The following GSK3B variants were observed in gnomAD, a reference collection of about 807,000 sequenced individuals.
GSK3B encodes glycogen synthase kinase-3 beta.
In GSK3B, 15 loss-of-function variants were observed where a neutral mutation model predicts 56.4. The observed-to-expected ratio is 0.27, with a 90% CI of 0.18 to 0.41. The LOEUF (loss-of-function observed/expected upper bound fraction) is 0.41. GSK3B is among the 10% of genes least tolerant of loss of function. The probability of loss-of-function intolerance (pLI) is 1.00; values close to 1 mark genes in which losing one functional copy is unlikely to be tolerated. For missense variants in GSK3B, 300 were observed against 513.4 expected, an observed-to-expected ratio of 0.58 and a Z score of 4.02; for synonymous variants, 181 against 188.9, an observed-to-expected ratio of 0.96 and a Z score of 0.34.
At chr3:120,085,787 C>A (rs1420289035) in intron 1 of GSK3B, among the ~76,000 whole-genome samples, 4 of 151,100 alleles carry the variant, frequency 2.6e-5, no homozygotes, top group African/African-American at 9.8e-5. Context: ...GCCTGGGCGA[C>A]ACAGTGACAT....
chr3:120,081,367 T>G (rs911031357), intron 1 of GSK3B, among the ~76,000 whole-genome samples: 1 of 151,770 alleles, frequency 6.6e-6, no homozygotes, highest in African/African-American at 2.4e-5. Context: ...GTCAACATGG[T>G]GAAACCCTGT....
chr3:119,951,860 C>T (rs1048405814), intron 2 of GSK3B, among the ~76,000 whole-genome samples: 1 of 150,382 alleles, frequency 6.6e-6, no homozygotes, highest in Middle Eastern at 3.2e-3. Context: ...TAAAGAAATG[C>T]TAACTTTTAA....
intron 1 of GSK3B, among the ~76,000 whole-genome samples, chr3:120,023,296 C>G (rs1352883712): frequency 2.6e-5 from 4 of 151,258 alleles, no homozygotes; most frequent in Admixed American, 1.3e-4. Flanking sequence ...TGAAGACTTT[C>G]CTGAGCTGGG....
intron 1 of GSK3B, among the ~76,000 whole-genome samples, chr3:120,050,055 T>C (rs1424751053): frequency 1.3e-5 from 2 of 152,192 alleles, no homozygotes; most frequent in Non-Finnish European, 2.9e-5. Flanking sequence ...ACTTTCATGC[T>C]ACATCACAAA....
intron 10 of GSK3B, among the ~76,000 whole-genome samples, chr3:119,827,520 A>G (rs981963711): frequency 1.4e-5 from 2 of 144,504 alleles, no homozygotes; most frequent in African/African-American, 5.0e-5. Context: ...GGACTGCTTG[A>G]GCCAGAGAGG....
At chr3:120,067,627 C>T (rs902733860) in intron 1 of GSK3B, among the ~76,000 whole-genome samples, 2 of 152,170 alleles carry the variant, frequency 1.3e-5, no homozygotes, top group Admixed American at 6.6e-5. Context: ...AATTCGGGAT[C>T]ACCTGTATTC....
At chr3:120,024,940 C>A (rs999994856) in intron 1 of GSK3B, among the ~76,000 whole-genome samples, 5 of 152,116 alleles carry the variant, frequency 3.3e-5, no homozygotes, top group Admixed American at 3.3e-4. Flanking sequence ...TTGTATGATC[C>A]TGTTCACATG....
At chr3:120,050,872 T>G (rs372556088) in intron 1 of GSK3B, among the ~76,000 whole-genome samples, 14 of 152,182 alleles carry the variant, frequency 9.2e-5, no homozygotes, top group African/African-American at 3.4e-4. Context: ...AGAAGGAAGG[T>G]AGGCAGAGTA....
intron 2 of GSK3B, among the ~76,000 whole-genome samples, chr3:119,978,208 G>C (rs1483577591): frequency 6.6e-6 from 1 of 151,800 alleles, no homozygotes; most frequent in Non-Finnish European, 1.5e-5. Flanking sequence ...ACTCCTCCCA[G>C]ATCAGAGACA....
At chr3:120,082,224 G>T (rs2058425543) in intron 1 of GSK3B, among the ~76,000 whole-genome samples, 1 of 151,842 alleles carries the variant, frequency 6.6e-6, no homozygotes, top group Non-Finnish European at 1.5e-5. Flanking sequence ...ATAAATCAAT[G>T]AAGTGTTTTT....
At chr3:119,996,941 A>G (rs1321136955) in intron 2 of GSK3B, among the ~76,000 whole-genome samples, 3 of 152,158 alleles carry the variant, frequency 2.0e-5, no homozygotes, top group African/African-American at 7.2e-5. Context: ...AGCAAACAGG[A>G]TTATTAGAAA....
chr3:119,840,439 G>A (rs1284390673), intron 10 of GSK3B, among the ~76,000 whole-genome samples: 5 of 152,196 alleles, frequency 3.3e-5, no homozygotes, highest in South Asian at 2.1e-4. Context: ...GGTCAGGCTC[G>A]TCTTGAACTC....
intron 2 of GSK3B, among the ~76,000 whole-genome samples, chr3:119,990,777 A>G (rs1271911208): frequency 6.6e-6 from 1 of 152,104 alleles, no homozygotes; most frequent in East Asian, 1.9e-4. Context: ...AAAAATACAA[A>G]ATTATCCAGG....
At chr3:119,865,594 C>T (rs1235824757) in intron 8 of GSK3B, among the ~76,000 whole-genome samples, 9 of 149,740 alleles carry the variant, frequency 6.0e-5, no homozygotes, top group East Asian at 2.0e-4. Context: ...CTCAGCCTCC[C>T]GAGTAGCTGG....
At chr3:119,947,203 G>C in intron 3 of GSK3B, 65 bp downstream of exon 3, 1 of 957,500 alleles carries the variant, frequency 1.0e-6, no homozygotes, top group Non-Finnish European at 1.7e-6. Flanking sequence ...GCGGTGGGGA[G>C]ATTAATTTCT....
intron 3 of GSK3B, among the ~76,000 whole-genome samples, chr3:119,942,358 G>A (rs921826315): frequency 6.6e-6 from 1 of 152,066 alleles, no homozygotes. Context: ...GAGTACAATG[G>A]GGCAATCTCG....
intron 2 of GSK3B, among the ~76,000 whole-genome samples, chr3:119,989,748 G>A (rs1025391511): frequency 7.2e-5 from 11 of 151,956 alleles, no homozygotes; most frequent in Non-Finnish European, 1.6e-4. Context: ...CCATTCCTGA[G>A]CCCCCTTCTA....
In GSK3B at chr3:119,821,861, G is replaced by A. The variant is rs1375112364; in HGVS notation, c.*4927C>T. The A allele has an allele frequency of 1.2e-5, 2 of 172,014 alleles. No homozygotes were observed. Among genetic ancestry groups the A allele is most frequent in the East Asian group, 2.1e-4 (2 of 9,484 alleles). 10.7% of individuals were successfully genotyped at this position (172,014 alleles called of 1,614,324 possible). A position where few individuals can be genotyped will look rare whatever the true frequency, so the allele number is the denominator to read the frequency against. On this transcript the variant is annotated 3_prime_UTR_variant, in exon 11 of 11. Coordinates refer to ENST00000264235, the MANE Select transcript of GSK3B (RefSeq NM_001146156.2). ...TTAATGTTTCCCTAATTAGAGGAAT[G>A]GAAATGGTGATGTGACTACATATTG...
At chr3:120,049,005 A>G (rs1221114583) in intron 1 of GSK3B, among the ~76,000 whole-genome samples, 1 of 152,242 alleles carries the variant, frequency 6.6e-6, no homozygotes, top group Non-Finnish European at 1.5e-5. Context: ...GGGAAAAGTT[A>G]GTAGCTAAGG....
Sources: allele counts gnomAD v4.1 joint callset (sites outside exome capture counted in the v4.1 genomes callset), GRCh38; gene constraint gnomAD v4.1.1; transcripts MANE v1.5; gene names NCBI Gene and HGNC (gene_info 2026-07-23, HGNC 2026-07-21).